The following PPP4R4 variants were observed in gnomAD, a reference collection of about 807,000 sequenced individuals.
The protein encoded by PPP4R4 is serine/threonine-protein phosphatase 4 regulatory subunit 4.
A neutral mutation model predicts 121.8 loss-of-function variants in PPP4R4; 70 were observed. The ratio of observed to expected loss-of-function variants is 0.57; its 90% CI spans 0.47 to 0.70. The LOEUF (loss-of-function observed/expected upper bound fraction) is 0.70. Among genes scored for constraint, PPP4R4 ranks in the 30% least tolerant of loss-of-function variants. The pLI is 0.00. For synonymous variants in PPP4R4, 348 were observed against 355.7 expected, an observed-to-expected ratio of 0.98 and a Z score of 0.24; for missense variants, 875 against 1,033.6, an observed-to-expected ratio of 0.85 and a Z score of 2.10.
At chr14:94,183,957 A>T (rs1889124190) in intron 2 of PPP4R4, among the ~76,000 whole-genome samples, 1 of 152,082 alleles carries the variant, frequency 6.6e-6, no homozygotes, top group Non-Finnish European at 1.5e-5. Flanking sequence ...GTGTCAAGTT[A>T]TGTAACTATC....
chr14:94,263,884 C>G (rs1046297881), intron 19 of PPP4R4, among the ~76,000 whole-genome samples: 10 of 151,246 alleles, frequency 6.6e-5, no homozygotes, highest in Non-Finnish European at 1.2e-4. Context: ...CCATATTTTT[C>G]CTTAGTTTAC....
chr14:94,237,835 C>A (rs2139557519), intron 8 of PPP4R4, 149 bp downstream of exon 8: 4 of 1,113,496 alleles, frequency 3.6e-6, no homozygotes, highest in East Asian at 2.4e-5. Context: ...GTTTTCGTGT[C>A]TTCTTGGCTT....
At chr14:94,203,475 T>A (rs1028363118) in intron 2 of PPP4R4, among the ~76,000 whole-genome samples, 1 of 152,196 alleles carries the variant, frequency 6.6e-6, no homozygotes, top group Non-Finnish European at 1.5e-5. Context: ...TGTTTTCATA[T>A]CTTTTTTTTG....
At chr14:94,187,242 G>A (rs1595451360) in intron 2 of PPP4R4, among the ~76,000 whole-genome samples, 1 of 152,018 alleles carries the variant, frequency 6.6e-6, no homozygotes, top group African/African-American at 2.4e-5. Context: ...GGAGGCAGAG[G>A]TTGCAGTGAG....
rs1892183200 is a variant in PPP4R4 at position 94,233,768 on chromosome 14, T to G, written c.623+9T>G. The G allele has an allele frequency of 6.7e-7, 1 of 1,500,658 alleles. No homozygotes were observed. The allele number at this position is 1,500,658 out of a possible 1,614,324, so 93.0% of individuals were successfully genotyped here. On this transcript the variant is annotated intron_variant, in intron 6 of 24. Transcript: ENST00000304338. Reference sequence around the variant, plus strand: ...AAATTTGATGCCCACACGTGAGTATTTGTATGTAATTTTCGGTCTACTTTA... The same window carrying G: ...AAATTTGATGCCCACACGTGAGTATGTGTATGTAATTTTCGGTCTACTTTA...
intron 16 of PPP4R4, among the ~76,000 whole-genome samples, chr14:94,255,920 T>C: frequency 6.6e-6 from 1 of 152,222 alleles, no homozygotes; most frequent in East Asian, 1.9e-4. Context: ...CCTGCTAGTC[T>C]CACCTTCACT....
At chr14:94,232,915 G>A (rs1354178948) in intron 5 of PPP4R4, among the ~76,000 whole-genome samples, 1 of 152,090 alleles carries the variant, frequency 6.6e-6, no homozygotes, top group Non-Finnish European at 1.5e-5. Flanking sequence ...AAAATTAGCT[G>A]GGCGTGGTGG....
At chr14:94,245,819 T>C (rs1166786181) in intron 13 of PPP4R4, 149 bp downstream of exon 13, 2 of 468,208 alleles carry the variant, frequency 4.3e-6, no homozygotes, top group Non-Finnish European at 7.6e-6. Context: ...CTATTAGAGT[T>C]TGAACAGCTT....
rs1888667253 is a variant in PPP4R4, at chr14:94,176,091, A to G, written c.155A>G (p.Asp52Gly). Residue 52 changes from aspartate to glycine, a missense_variant, in exon 2 of 25, where the codon GAC becomes GGC. By Grantham distance (94) the Asp-to-Gly change is moderately conservative (BLOSUM62 -1). Transcript: ENST00000304338. ...ATAGAAAGATTGACAGTCGATGAAGACCTCAGTGATATTGAAAGGGCTGTT... is the reference window on the plus strand; with the variant it reads ...ATAGAAAGATTGACAGTCGATGAAGGCCTCAGTGATATTGAAAGGGCTGTT... ...EEIERLTVDE[D>G]LSDIERAVYL... is the part of the protein sequence containing the mutation. The G allele has an allele frequency of 1.2e-6, 2 of 1,612,814 alleles. No homozygotes were observed. The highest frequency in any genetic ancestry group is 1.7e-6 in the Non-Finnish European group (2 of 1,178,804).
At chr14:94,242,546 T>A (rs1425327008) in intron 11 of PPP4R4, 138 bp downstream of exon 11, 2 of 819,960 alleles carry the variant, frequency 2.4e-6, no homozygotes, top group Non-Finnish European at 3.6e-6. Flanking sequence ...TGTTTAAAAA[T>A]TTCCTTAATT....
chr14:94,257,642 T>TACAC (rs57997995), intron 17 of PPP4R4, among the ~76,000 whole-genome samples: 12,735 of 146,866 alleles, frequency 0.087, 765 homozygotes, highest in African/African-American at 0.17. Context: ...CATTTAAATC[T>TACAC]ACACACACAC....
Position 94,240,677 on chromosome 14 carries a change from C to T in PPP4R4, c.858C>T (p.Asp286=). ...TTATTTTGTTTTGTTTTCCAGATGA[C>T]AGAAGTCAAACTATACTTCCCTTAG... ...VNLLDIFDTD[D]RSQTILPLVK... is the part of the protein sequence containing the mutation. Residue 286 remains aspartate (D), a synonymous_variant, in exon 9 of 25, where the codon GAC becomes GAT. Transcript: ENST00000304338. 6.2e-7 allele frequency: 1 copy of T among 1,605,166 alleles called. No individual in the cohort carries two copies. Among genetic ancestry groups the T allele is most frequent in the Non-Finnish European group, 8.5e-7 (1 of 1,176,884 alleles).
intron 2 of PPP4R4, among the ~76,000 whole-genome samples, chr14:94,204,526 TA>T (rs766332503): frequency 5.4e-4 from 82 of 152,302 alleles, no homozygotes; most frequent in South Asian, 8.3e-4. Context: ...CAATTCCTCC[TA>T]CTTCATTCCT....
intron 3 of PPP4R4, chr14:94,227,306 A>G: frequency 6.2e-7 from 1 of 1,612,142 alleles, no homozygotes; most frequent in Non-Finnish European, 8.5e-7. Context: ...ATGCACACTT[A>G]TTTATCCAGA....
intron 3 of PPP4R4, among the ~76,000 whole-genome samples, chr14:94,211,331 A>T (rs913018850): frequency 3.3e-5 from 5 of 152,166 alleles, no homozygotes; most frequent in Non-Finnish European, 7.4e-5. Flanking sequence ...GATGAGATAA[A>T]GTAATATAGT....
chr14:94,244,784 C>T, intron 12 of PPP4R4, 72 bp downstream of exon 12: 1 of 1,362,890 alleles, frequency 7.3e-7, no homozygotes, highest in Non-Finnish European at 9.6e-7. Context: ...CTTTTCTCCC[C>T]TTCTTCTTGG....
At chr14:94,259,792 G>A (rs893921635) in intron 19 of PPP4R4, among the ~76,000 whole-genome samples, 4 of 152,080 alleles carry the variant, frequency 2.6e-5, no homozygotes, top group African/African-American at 4.8e-5. Flanking sequence ...TATATAAATG[G>A]AATCATATAT....
chr14:94,255,297 T>G (rs1218766987), intron 16 of PPP4R4, among the ~76,000 whole-genome samples: 1 of 152,148 alleles, frequency 6.6e-6, no homozygotes, highest in Non-Finnish European at 1.5e-5. Context: ...CTGCTGCTGG[T>G]AAAAGATATT....
chr14:94,182,308 C>A (rs1889037666), intron 2 of PPP4R4, among the ~76,000 whole-genome samples: 1 of 152,144 alleles, frequency 6.6e-6, no homozygotes, highest in South Asian at 2.1e-4. Flanking sequence ...GAAATGTGCA[C>A]AAATCATAAT....
Sources: gnomAD v4.1 joint callset for allele counts (sites outside exome capture counted in the v4.1 genomes callset) on GRCh38, gnomAD v4.1.1 for gene constraint, MANE v1.5 for transcripts, NCBI Gene and HGNC (gene_info 2026-07-23, HGNC 2026-07-21) for gene names.